The following ATAD5 variants were observed in gnomAD, a reference collection of about 807,000 sequenced individuals.
ATAD5 encodes the protein ATPase family AAA domain containing 5.
A neutral mutation model predicts 176.9 loss-of-function variants in ATAD5; 58 were observed. The observed-to-expected ratio is 0.33, with a 90% CI of 0.27 to 0.41. The LOEUF (loss-of-function observed/expected upper bound fraction) is 0.41, where lower values mean the gene tolerates loss of function less well. Ranked by LOEUF, ATAD5 falls within the 10% of genes least tolerant of loss-of-function variation. The pLI is 1.00. For missense variants in ATAD5, 1,789 were observed against 2,094.1 expected (o/e 0.85, Z 2.84); for synonymous variants, 640 against 712.6 (o/e 0.90, Z 1.62).
At chr17:30,851,184 G>A (rs982889852) in intron 6 of ATAD5, among the ~76,000 whole-genome samples, 19 of 147,280 alleles carry the variant, frequency 1.3e-4, no homozygotes, top group Non-Finnish European at 2.7e-4. Context: ...CCACCGTGCC[G>A]GTCTCTAAAA....
intron 19 of ATAD5, among the ~76,000 whole-genome samples, chr17:30,891,867 A>G (rs1281679918): frequency 6.6e-6 from 1 of 150,542 alleles, no homozygotes; most frequent in East Asian, 2.0e-4. Flanking sequence ...TGTATTTTGA[A>G]TAGAGACAAG....
At chr17:30,850,849 A>G (rs1242668925) in intron 6 of ATAD5, among the ~76,000 whole-genome samples, 1 of 39,418 alleles carries the variant, frequency 2.5e-5, no homozygotes, top group African/African-American at 7.2e-5. Flanking sequence ...ATATATATAT[A>G]TATATATATA....
At chr17:30,865,327 C>T (rs1907917832) in intron 10 of ATAD5, among the ~76,000 whole-genome samples, 1 of 152,082 alleles carries the variant, frequency 6.6e-6, no homozygotes, top group African/African-American at 2.4e-5. Flanking sequence ...CCCCCGCCAC[C>T]ACGCCCGGCT....
intron 10 of ATAD5, chr17:30,862,079 A>G (rs1281379756): frequency 1.3e-5 from 2 of 150,916 alleles, no homozygotes; most frequent in Non-Finnish European, 2.9e-5. Context: ...TCATAACTGT[A>G]ATCCCAGCAC....
At chr17:30,878,718 GT>G (rs71142005) in intron 17 of ATAD5, among the ~76,000 whole-genome samples, 162 of 56,842 alleles carry the variant, frequency 2.9e-3, no homozygotes, top group Middle Eastern at 0.017. Flanking sequence ...GTTAGGTGGT[GT>G]TTTTTTTTTT....
intron 11 of ATAD5, among the ~76,000 whole-genome samples, chr17:30,867,100 T>G (rs894952903): frequency 2.0e-5 from 1 of 50,176 alleles, no homozygotes; most frequent in Non-Finnish European, 3.8e-5. Context: ...CATTTTATCC[T>G]TAGAATGGTA....
intron 5 of ATAD5, among the ~76,000 whole-genome samples, chr17:30,844,537 A>G (rs1906350279): frequency 7.0e-6 from 1 of 142,018 alleles, no homozygotes; most frequent in African/African-American, 2.8e-5. Context: ...GTTATGGTAT[A>G]GTGAAGAGTT....
rs1312470807 is a variant in ATAD5 at position 30,850,833 on chromosome 17, TTATATATATATA to T, written c.2451-4284_2451-4273del. Among the ~76,000 whole-genome samples, 61 of 27,836 alleles carry T rather than the reference TTATATATATATA, an allele frequency of 2.2e-3. 1 individual carries two copies. Among genetic ancestry groups the T allele is most frequent in the East Asian group, 3.0e-3 (3 of 1,016 alleles). The allele number at this position is 27,836 out of a possible 152,430, so 18.3% of individuals were successfully genotyped here. A position where few individuals can be genotyped will look rare whatever the true frequency, so the allele number is the denominator to read the frequency against. ...AATTATTATTTATATTTATATATTTTTATATATATATATATATATATATATATATATATATAT... is the reference window on the plus strand; with the variant it reads ...AATTATTATTTATATTTATATATTTTTATATATATATATATATATATATAT... On this transcript the variant is annotated intron_variant, in intron 6 of 22. Transcript: ENST00000321990.
intron 9 of ATAD5, among the ~76,000 whole-genome samples, chr17:30,858,686 T>C (rs1907437832): frequency 6.6e-6 from 1 of 151,852 alleles, no homozygotes; most frequent in South Asian, 2.1e-4. Context: ...GCGCTTGGCC[T>C]ATTTTTTCTT....
chr17:30,844,046 A>C lies in ATAD5; in HGVS notation c.2368+7A>C, dbSNP rs1012209540. On this transcript the variant is annotated splice_region_variant and intron_variant, in intron 5 of 22. Coordinates refer to ENST00000321990, the MANE Select transcript of ATAD5 (RefSeq NM_024857.5). Reference sequence around the variant, plus strand: ...TCCACTAAAAATGTACCTGGTAATCAGAGTTAATAATATTTATGATGTATA... The same window carrying C: ...TCCACTAAAAATGTACCTGGTAATCCGAGTTAATAATATTTATGATGTATA... 40 of 1,525,496 alleles carry C rather than the reference A, an allele frequency of 2.6e-5. No individual in the cohort carries two copies. Among genetic ancestry groups the C allele is most frequent in the Non-Finnish European group, 3.4e-5 (39 of 1,138,604 alleles). The allele number at this position is 1,525,496 out of a possible 1,614,324, so 94.5% of individuals were successfully genotyped here. A position where few individuals can be genotyped will look rare whatever the true frequency, so the allele number is the denominator to read the frequency against.
At chr17:30,880,591 A>G (rs1908953028) in intron 18 of ATAD5, among the ~76,000 whole-genome samples, 1 of 150,766 alleles carries the variant, frequency 6.6e-6, no homozygotes, top group South Asian at 2.1e-4. Flanking sequence ...CTGGGCAACA[A>G]GAGTGAAACT....
chr17:30,859,809 A>C (rs1907509294), intron 9 of ATAD5, among the ~76,000 whole-genome samples: 1 of 145,732 alleles, frequency 6.9e-6, no homozygotes, highest in African/African-American at 2.5e-5. Context: ...CTGCAGCCTC[A>C]GCCTTCTAGG....
intron 9 of ATAD5, among the ~76,000 whole-genome samples, chr17:30,859,558 A>G (rs1467518092): frequency 6.6e-6 from 1 of 151,566 alleles, no homozygotes; most frequent in Non-Finnish European, 1.5e-5. Context: ...ATGGGGTTTC[A>G]CCATGTTGGT....
At chr17:30,882,706 T>C (rs527888589) in intron 18 of ATAD5, among the ~76,000 whole-genome samples, 1 of 152,378 alleles carries the variant, frequency 6.6e-6, no homozygotes, top group African/African-American at 2.4e-5. Flanking sequence ...TTCAGCTATA[T>C]GCTAATATGG....
Position 30,869,611 on chromosome 17 carries a change from G to A in ATAD5, c.3572G>A (p.Cys1191Tyr), listed in dbSNP as rs763702755. 1.8e-5 allele frequency: 29 copies of A among 1,600,836 alleles called. No individual in the cohort carries two copies. Among genetic ancestry groups the A allele is most frequent in the Non-Finnish European group, 2.4e-5 (28 of 1,176,846 alleles). Residue 1191 changes from cysteine to tyrosine, a missense_variant, in exon 14 of 23, where the codon TGT becomes TAT. This residue lies in a region of ATAD5 where 194 missense variants were observed against 270.1 expected (regional missense o/e 0.72). Coordinates refer to ENST00000321990, the MANE Select transcript of ATAD5 (RefSeq NM_024857.5). Reference protein sequence around the residue: ...DKQGVNSQKPCFFNSYYIGKS... With the variant: ...DKQGVNSQKPYFFNSYYIGKS... Reference sequence around the variant, plus strand: ...CAAGGTGTAAACTCACAAAAACCCTGTTTTTTTAATAGCTACTACATAGGC... The same window carrying A: ...CAAGGTGTAAACTCACAAAAACCCTATTTTTTTAATAGCTACTACATAGGC...
At chr17:30,866,664 A>C (rs1908004451) in intron 11 of ATAD5, among the ~76,000 whole-genome samples, 1 of 151,956 alleles carries the variant, frequency 6.6e-6, no homozygotes, top group South Asian at 2.1e-4. Flanking sequence ...AAAATACAAA[A>C]ATTAGCTGGG....
In ATAD5 at chr17:30,894,666, C is replaced by A; in HGVS notation, c.5400C>A (p.Thr1800=). The change falls in exon 22 of 23, where the codon ACC becomes ACA. Residue 1800 remains threonine (T), a synonymous_variant. Transcript: ENST00000321990. ...RQASIIEYLP[T]LRNICKTEKL... is the part of the protein sequence containing the mutation. ...CTAGTATAATTGAATACCTGCCAAC[C>A]CTTCGAAACATCTGTAAGACTGAGA... The A allele has an allele frequency of 6.2e-7, 1 of 1,613,254 alleles. No homozygotes were observed. Among genetic ancestry groups the A allele is most frequent in the Non-Finnish European group, 8.5e-7 (1 of 1,179,652 alleles).
chr17:30,893,143 T>C (rs1909725025), intron 20 of ATAD5, 151 bp from the exon 21 acceptor site: 1 of 759,842 alleles, frequency 1.3e-6, no homozygotes, highest in African/African-American at 1.8e-5. Context: ...TAGTACTATT[T>C]TGATATATTA....
chr17:30,855,460 A>G, intron 7 of ATAD5, 133 bp downstream of exon 7: 2 of 972,652 alleles, frequency 2.1e-6, no homozygotes, highest in South Asian at 2.0e-5. Context: ...AATTTTAAGG[A>G]CAATTTCTCT....
Sources: gnomAD v4.1 joint callset for allele counts (sites outside exome capture counted in the v4.1 genomes callset) on GRCh38, gnomAD v4.1.1 for gene constraint, gnomAD v4.1.1 regional missense constraint, MANE v1.5 for transcripts, NCBI Gene and HGNC (gene_info 2026-07-23, HGNC 2026-07-21) for gene names.